Variants in HDAC8 observed in about 807,000 individuals in gnomAD.
HDAC8 encodes histone deacetylase 8.
In HDAC8, 1 loss-of-function variant was observed where a neutral mutation model predicts 32.2. The ratio of observed to expected loss-of-function variants is 0.03; its 90% CI spans 0.01 to 0.15. HDAC8 has a LOEUF of 0.15. Among genes scored for constraint, HDAC8 ranks in the 10% least tolerant of loss-of-function variants. HDAC8 has a pLI of 1.00. For missense variants in HDAC8, 117 were observed against 300.0 expected, an observed-to-expected ratio of 0.39 and a Z score of 4.51; for synonymous variants, 108 against 113.9, an observed-to-expected ratio of 0.95 and a Z score of 0.33.
At chrX:72,424,797 G>A (rs2046589872) in intron 9 of HDAC8, among the ~76,000 whole-genome samples, 1 of 111,132 alleles carries the variant, frequency 9.0e-6, no homozygotes, top group African/African-American at 3.3e-5. Context: ...ATTTCATGTA[G>A]GTGAAATCAT....
chrX:72,570,748 A>G (rs2052001632), intron 2 of HDAC8, among the ~76,000 whole-genome samples: 1 of 111,782 alleles, frequency 8.9e-6, no homozygotes, highest in Non-Finnish European at 1.9e-5. Context: ...TGGTATGAGC[A>G]CTCACCTATT....
At chrX:72,568,724 T>C in intron 3 of HDAC8, 30 bp downstream of exon 3, 6 of 1,205,885 alleles carry the variant, frequency 5.0e-6, no homozygotes, top group Non-Finnish European at 6.7e-6. Context: ...AGTCTGTCCA[T>C]CTCCCATCAC....
At chrX:72,485,066 G>C (rs1556005067) in intron 7 of HDAC8, among the ~76,000 whole-genome samples, 1 of 111,414 alleles carries the variant, frequency 9.0e-6, no homozygotes, top group Non-Finnish European at 1.9e-5. Context: ...GTGGCCCGGG[G>C]ATGGGGTGGT....
intron 4 of HDAC8, among the ~76,000 whole-genome samples, chrX:72,565,449 G>A (rs2051743584): frequency 8.9e-6 from 1 of 112,033 alleles, no homozygotes; most frequent in Non-Finnish European, 1.9e-5. Context: ...AGGCATGTCC[G>A]TTTCCATGCA....
intron 10 of HDAC8, among the ~76,000 whole-genome samples, chrX:72,347,518 G>A (rs901506100): frequency 9.0e-6 from 1 of 111,657 alleles, no homozygotes; most frequent in East Asian, 2.8e-4. Context: ...AAGAGGATTG[G>A]GCCTGGGCTG....
chrX:72,464,920 C>T, intron 7 of HDAC8, among the ~76,000 whole-genome samples, 189 bp from the exon 8 acceptor site: 1 of 111,580 alleles, frequency 9.0e-6, no homozygotes, highest in East Asian at 2.8e-4. Flanking sequence ...CCTTAATAAA[C>T]CTGACTTACA....
intron 4 of HDAC8, among the ~76,000 whole-genome samples, chrX:72,554,028 T>C (rs888254099): frequency 8.9e-6 from 1 of 112,512 alleles, no homozygotes; most frequent in African/African-American, 3.2e-5. Flanking sequence ...AAAAATCAAT[T>C]AGAACAGTTA....
chrX:72,514,521 T>C (rs957059689), intron 4 of HDAC8, among the ~76,000 whole-genome samples: 2 of 112,339 alleles, frequency 1.8e-5, no homozygotes, highest in East Asian at 5.6e-4. Context: ...TTTTCTCAAA[T>C]AAAATTTTAT....
At chrX:72,525,838 A>AAAAAC (rs2050135141) in intron 4 of HDAC8, among the ~76,000 whole-genome samples, 1 of 101,429 alleles carries the variant, frequency 9.9e-6, no homozygotes, top group African/African-American at 3.9e-5. Flanking sequence ...AAAAAAAAAA[A>AAAAAC]AAAAAAATCC....
intron 4 of HDAC8, among the ~76,000 whole-genome samples, chrX:72,538,236 T>G (rs1012583695): frequency 9.4e-6 from 1 of 106,339 alleles, no homozygotes; most frequent in Non-Finnish European, 1.9e-5. Flanking sequence ...CAAGCTGGAG[T>G]GCAGTGGCAC....
At chrX:72,559,527 G>A (rs782041036) in intron 4 of HDAC8, among the ~76,000 whole-genome samples, 67 of 110,332 alleles carry the variant, frequency 6.1e-4, no homozygotes, top group African/African-American at 9.6e-4. Context: ...CTGCCTGGCC[G>A]CCCATCGTCT....
At chrX:72,523,103 T>C (rs1164590106) in intron 4 of HDAC8, among the ~76,000 whole-genome samples, 1 of 112,383 alleles carries the variant, frequency 8.9e-6, no homozygotes, top group Non-Finnish European at 1.9e-5. Flanking sequence ...TAATTTTCTA[T>C]CTCTTTGGGG....
chrX:72,335,434 C>A (rs1297804859), intron 10 of HDAC8, among the ~76,000 whole-genome samples: 1 of 111,971 alleles, frequency 8.9e-6, no homozygotes, highest in Non-Finnish European at 1.9e-5. Flanking sequence ...CCTTTTTGGA[C>A]TGGCTTCTTT....
intron 7 of HDAC8, chrX:72,467,614 G>C (rs1479055463): frequency 1.8e-5 from 3 of 164,319 alleles, no homozygotes; most frequent in African/African-American, 9.5e-5. Flanking sequence ...AATGAGTTTG[G>C]ACTTTTGCTT....
At chrX:72,465,565 C>T (rs1231264685) in intron 7 of HDAC8, among the ~76,000 whole-genome samples, 3 of 111,442 alleles carry the variant, frequency 2.7e-5, no homozygotes, top group African/African-American at 9.8e-5. Flanking sequence ...AAAGTCCCTG[C>T]TCTCAAGGGG....
rs782812766 is a variant in HDAC8 at position 72,329,544 on chromosome X, C to T, written c.*510G>A. ...GTTTTCAAAGATTTTATTAAAAAAA[C>T]CAAAGATATATAACACTAAAACAAC... On this transcript the variant is annotated 3_prime_UTR_variant, in exon 11 of 11. Coordinates refer to ENST00000373573, the MANE Select transcript of HDAC8 (RefSeq NM_018486.3). The T allele has an allele frequency of 5.9e-6, 4 of 678,039 alleles. No homozygotes were observed. The highest frequency in any genetic ancestry group is 4.0e-5 in the Admixed American group (1 of 24,703). The allele number at this position is 678,039 out of a possible 1,213,427, so 55.9% of individuals were successfully genotyped here. A position where few individuals can be genotyped will look rare whatever the true frequency, so the allele number is the denominator to read the frequency against.
At chrX:72,379,539 C>T (rs1417025208) in intron 9 of HDAC8, among the ~76,000 whole-genome samples, 2 of 97,703 alleles carry the variant, frequency 2.0e-5, no homozygotes, top group African/African-American at 7.6e-5. Flanking sequence ...ACTCTGTCAC[C>T]CAGGCTGGAG....
rs782297686 is a variant in HDAC8, at chrX:72,365,231, T to G, written c.1006-13393A>C. 2.7e-5 allele frequency among the ~76,000 whole-genome samples: 3 copies of G among 112,044 alleles called. No individual in the cohort carries two copies. In the South Asian group the frequency reaches 1.1e-3, roughly 42 times the overall value. ...TTGGTTCTCAAAAAGTTCTGGATTT[T>G]GGAGCGTTTTAAAGTTCAGATTTTC... On this transcript the variant is annotated intron_variant, in intron 9 of 10. Transcript: ENST00000373573.
chrX:72,535,837 G>A (rs928499954), intron 4 of HDAC8, among the ~76,000 whole-genome samples: 1 of 111,601 alleles, frequency 9.0e-6, no homozygotes, highest in South Asian at 3.8e-4. Context: ...TATAAATTTG[G>A]TAACGGCACA....
Sources: allele counts gnomAD v4.1 joint callset (sites outside exome capture counted in the v4.1 genomes callset), GRCh38; gene constraint gnomAD v4.1.1; transcripts MANE v1.5; gene names NCBI Gene and HGNC (gene_info 2026-07-23, HGNC 2026-07-21).